The following IL18RAP variants were observed in gnomAD, a reference collection of about 807,000 sequenced individuals.
IL18RAP encodes interleukin 18 receptor accessory protein.
A neutral mutation model predicts 58.1 loss-of-function variants in IL18RAP; 37 were observed. The observed-to-expected ratio is 0.64, with a 90% confidence interval of 0.49 to 0.84. The LOEUF is 0.84. Among genes scored for constraint, IL18RAP ranks in the 40% least tolerant of loss-of-function variants. The pLI is 0.00. For missense variants in IL18RAP, 667 were observed against 704.8 expected, an observed-to-expected ratio of 0.95 and a Z score of 0.61; for synonymous variants, 268 against 257.5, an observed-to-expected ratio of 1.04 and a Z score of -0.39.
chr2:102,431,680 G>A (rs993388246), intron 3 of IL18RAP, among the ~76,000 whole-genome samples: 6 of 151,544 alleles, frequency 4.0e-5, no homozygotes, highest in African/African-American at 1.5e-4. Context: ...CAAATCTGCT[G>A]TTGATATTAT....
intron 3 of IL18RAP, among the ~76,000 whole-genome samples, chr2:102,424,949 G>C (rs774558998): frequency 6.6e-6 from 1 of 152,154 alleles, no homozygotes; most frequent in Non-Finnish European, 1.5e-5. Context: ...AAGGGAACAA[G>C]AGCAAGTTTC....
chr2:102,448,907 G>A (rs56044378), intron 8 of IL18RAP, among the ~76,000 whole-genome samples: 36,408 of 147,148 alleles, frequency 0.25, 4,842 homozygotes, highest in East Asian at 0.41. Flanking sequence ...GCTGCAGTGA[G>A]CCATGATTAC....
intron 7 of IL18RAP, among the ~76,000 whole-genome samples, chr2:102,446,577 T>G (rs1185476082): frequency 1.3e-5 from 2 of 152,074 alleles, no homozygotes; most frequent in Admixed American, 1.3e-4. Flanking sequence ...CCTGAGTTAC[T>G]TCACTTAGAA....
intron 3 of IL18RAP, among the ~76,000 whole-genome samples, chr2:102,430,072 A>G (rs1451141844): frequency 2.0e-5 from 3 of 152,020 alleles, no homozygotes; most frequent in Admixed American, 6.6e-5. Flanking sequence ...TATGTCTGTT[A>G]GGTCCATTTG....
chr2:102,423,218 A>G lies in IL18RAP; in HGVS notation c.-60A>G. Reference sequence around the variant, plus strand: ...TCAGGGCAGAGTTCTGAATCTCAAAACACTCTACTCTGGCAAAGGAATGAA... The same window carrying G: ...TCAGGGCAGAGTTCTGAATCTCAAAGCACTCTACTCTGGCAAAGGAATGAA... On this transcript the variant is annotated 5_prime_UTR_variant, in exon 1 of 10. Transcript: ENST00000687160. 6.7e-7 allele frequency: 1 copy of G among 1,502,928 alleles called. No individual in the cohort carries two copies. The highest frequency in any genetic ancestry group is 9.3e-7 in the Non-Finnish European group (1 of 1,079,124). The allele number at this position is 1,502,928 out of a possible 1,614,324, so 93.1% of individuals were successfully genotyped here. A position where few individuals can be genotyped will look rare whatever the true frequency, so the allele number is the denominator to read the frequency against.
upstream of IL18RAP, among the ~76,000 whole-genome samples, chr2:102,421,755 T>A (rs982939840): frequency 6.6e-6 from 1 of 152,166 alleles, no homozygotes; most frequent in Admixed American, 6.5e-5. Context: ...AGCAGCCAGG[T>A]GGTAGCATCC....
intron 7 of IL18RAP, 47 bp from the exon 8 acceptor site, chr2:102,447,023 C>T: frequency 6.3e-7 from 1 of 1,596,766 alleles, no homozygotes; most frequent in Non-Finnish European, 8.5e-7. Flanking sequence ...GGTCTTGGTC[C>T]AATCCCGCTG....
At position 102,446,372 on chromosome 2, in the gene IL18RAP, T is replaced by C. The variant is rs370324194; in HGVS notation, c.1073-698T>C. 7.9e-5 allele frequency among the ~76,000 whole-genome samples: 12 copies of C among 152,194 alleles called. No homozygotes were observed. The South Asian group carries it at 2.5e-3, about 32-fold the overall frequency. On this transcript the variant is annotated intron_variant, in intron 7 of 9. Transcript: ENST00000687160. ...ATAAGTTCTTCAATCTGAAAATCTT[T>C]AGATTTTTGAGATTTTGGCATACCC...
upstream of IL18RAP, among the ~76,000 whole-genome samples, chr2:102,420,018 T>A (rs373602681): frequency 5.3e-5 from 8 of 152,344 alleles, no homozygotes; most frequent in East Asian, 1.5e-3. Flanking sequence ...CTCCTTCCGA[T>A]TCGGTGAAGC....
intron 5 of IL18RAP, among the ~76,000 whole-genome samples, chr2:102,442,911 C>G (rs1479534380): frequency 6.6e-6 from 1 of 152,080 alleles, no homozygotes; most frequent in Non-Finnish European, 1.5e-5. Context: ...CTTAGTGTCT[C>G]CCTCAATCCA....
At chr2:102,445,103 G>A (rs886886696) in intron 6 of IL18RAP, 86 bp from the exon 7 acceptor site, 12 of 1,223,268 alleles carry the variant, frequency 9.8e-6, no homozygotes, top group Non-Finnish European at 1.4e-5. Context: ...AAGCCAAACT[G>A]TTGGCTGCTT....
intron 4 of IL18RAP, 146 bp downstream of exon 4, chr2:102,437,508 TCAAA>T: frequency 1.4e-6 from 1 of 700,162 alleles, no homozygotes; most frequent in Non-Finnish European, 2.1e-6. Flanking sequence ...TGGGCAAACA[TCAAA>T]GTTGCCATCC....
upstream of IL18RAP, among the ~76,000 whole-genome samples, chr2:102,421,982 C>T (rs755326583): frequency 1.3e-5 from 2 of 151,690 alleles, no homozygotes; most frequent in Non-Finnish European, 2.9e-5. Flanking sequence ...GCATTCCCCT[C>T]GCAGTGGAAT....
intron 3 of IL18RAP, among the ~76,000 whole-genome samples, chr2:102,426,743 CTT>C (rs957892139): frequency 6.6e-6 from 1 of 152,048 alleles, no homozygotes; most frequent in African/African-American, 2.4e-5. Flanking sequence ...ACCTTGCTTA[CTT>C]TTTTTGTGGA....
intron 5 of IL18RAP, 32 bp downstream of exon 5, chr2:102,441,409 T>A (rs1683094952): frequency 1.3e-6 from 2 of 1,563,890 alleles, no homozygotes; most frequent in South Asian, 2.2e-5. Flanking sequence ...TTGAATGACA[T>A]CGTGCTGCTG....
chr2:102,431,856 A>G (rs775549960), intron 3 of IL18RAP, among the ~76,000 whole-genome samples: 14 of 151,708 alleles, frequency 9.2e-5, no homozygotes, highest in Non-Finnish European at 1.6e-4. Flanking sequence ...TTTTATACAT[A>G]TTTTCTTGTA....
intron 5 of IL18RAP, among the ~76,000 whole-genome samples, 192 bp from the exon 6 acceptor site, chr2:102,443,008 G>GA (rs1288850992): frequency 2.0e-5 from 3 of 152,122 alleles, no homozygotes; most frequent in Non-Finnish European, 4.4e-5. Context: ...TTGCCCATTA[G>GA]AAAAAATGTA....
chr2:102,445,124 C>G (rs1683332786), intron 6 of IL18RAP, 65 bp from the exon 7 acceptor site: 6 of 1,480,866 alleles, frequency 4.1e-6, no homozygotes, highest in Non-Finnish European at 4.7e-6. Flanking sequence ...ATACGTGTTC[C>G]AAATGCTGCA....
intron 8 of IL18RAP, among the ~76,000 whole-genome samples, chr2:102,448,228 CT>C (rs1683550958): frequency 2.0e-5 from 3 of 152,168 alleles, no homozygotes. Flanking sequence ...GGCATTAGAG[CT>C]TGGGATTTGG....
Sources: gnomAD v4.1 joint callset for allele counts (sites outside exome capture counted in the v4.1 genomes callset) on GRCh38, gnomAD v4.1.1 for gene constraint, MANE v1.5 for transcripts, NCBI Gene and HGNC (gene_info 2026-07-23, HGNC 2026-07-21) for gene names.